GLRA3: variants seen among roughly 807,000 people sequenced by gnomAD.
GLRA3 encodes glycine receptor alpha 3.
Under a neutral mutation model 60.4 loss-of-function variants are expected in GLRA3, and 44 were observed. The ratio of observed to expected loss-of-function variants is 0.73; its 90% confidence interval spans 0.57 to 0.94. The LOEUF is 0.94. GLRA3 is among the 40% of genes least tolerant of loss of function. GLRA3 has a pLI of 0.00. For synonymous variants in GLRA3, 223 were observed against 192.9 expected (o/e 1.16, Z -1.29); for missense variants, 508 against 564.6 (o/e 0.90, Z 1.02).
chr4:174,767,104 CATT>C (rs1370240203), intron 2 of GLRA3, 74 bp from the exon 3 acceptor site: 2 of 749,200 alleles, frequency 2.7e-6, no homozygotes, highest in Non-Finnish European at 4.8e-6. Flanking sequence ...CCTTGCATTC[CATT>C]ATTATTATTC....
In GLRA3 at chr4:174,641,521, G is replaced by A. The variant is rs1732620262; in HGVS notation, c.*2265C>T. On this transcript the variant is annotated 3_prime_UTR_variant, in exon 10 of 10. Transcript: ENST00000274093. ...CAGTAAGACAGTGACAAATATAATAGGAAAGGAAAACTATGCCTAAGGAAA... is the reference window on the plus strand; with the variant it reads ...CAGTAAGACAGTGACAAATATAATAAGAAAGGAAAACTATGCCTAAGGAAA... 1 of 151,984 alleles carries A rather than the reference G, an allele frequency of 6.6e-6. No homozygotes were observed. Among genetic ancestry groups the A allele is most frequent in the Non-Finnish European group, 1.5e-5 (1 of 67,938 alleles). 9.4% of individuals were successfully genotyped at this position (151,984 alleles called of 1,614,324 possible).
At chr4:174,715,214 C>G (rs1343734556) in intron 5 of GLRA3, among the ~76,000 whole-genome samples, 3 of 152,166 alleles carry the variant, frequency 2.0e-5, no homozygotes, top group Non-Finnish European at 4.4e-5. Flanking sequence ...GATTACCATC[C>G]TTTTCACTTC....
rs534772725 is a variant in GLRA3 at position 174,705,481 on chromosome 4, G to T, written c.574+10007C>A. Reference sequence around the variant, plus strand: ...GAAGAAAAGACTGATGAATTTCTGGGGGAGGAAATAAAAGAGGGATGCACA... The same window carrying T: ...GAAGAAAAGACTGATGAATTTCTGGTGGAGGAAATAAAAGAGGGATGCACA... On this transcript the variant is annotated intron_variant, in intron 5 of 9. Coordinates refer to ENST00000274093, the MANE Select transcript of GLRA3 (RefSeq NM_006529.4). 3.5e-4 allele frequency among the ~76,000 whole-genome samples: 51 copies of T among 144,458 alleles called. 12 individuals are homozygous for T. The highest frequency in any genetic ancestry group is 5.6e-4 in the Non-Finnish European group (36 of 64,858). The allele number at this position is 144,458 out of a possible 152,430, so 94.8% of individuals were successfully genotyped here.
intron 2 of GLRA3, among the ~76,000 whole-genome samples, chr4:174,771,821 C>T (rs1385835): frequency 0.75 from 113,433 of 151,892 alleles, 42,711 homozygotes; most frequent in East Asian, 1. Context: ...CTCTATAATA[C>T]ATTTTGTCTC....
intron 2 of GLRA3, among the ~76,000 whole-genome samples, chr4:174,779,875 T>C (rs1238320755): frequency 1.3e-5 from 2 of 152,000 alleles, no homozygotes; most frequent in Non-Finnish European, 2.9e-5. Flanking sequence ...TGGAACCAAG[T>C]TGGAAAACAC....
Position 174,766,946 on chromosome 4 carries a change from C to T in GLRA3, c.267+17G>A. The T allele has an allele frequency of 1.4e-6, 2 of 1,438,776 alleles. No homozygotes were observed. Among genetic ancestry groups the T allele is most frequent in the Non-Finnish European group, 1.9e-6 (2 of 1,029,196 alleles). 89.1% of individuals were successfully genotyped at this position (1,438,776 alleles called of 1,614,324 possible). Reference sequence around the variant, plus strand: ...GATTACTCTAGTGTGAAACTTGTTGCAAAGTAAAATGCCTACCATGGTCGT... The same window carrying T: ...GATTACTCTAGTGTGAAACTTGTTGTAAAGTAAAATGCCTACCATGGTCGT... On this transcript the variant is annotated intron_variant, in intron 3 of 9. Coordinates refer to ENST00000274093, the MANE Select transcript of GLRA3 (RefSeq NM_006529.4).
intron 3 of GLRA3, among the ~76,000 whole-genome samples, chr4:174,759,441 A>G (rs1253173718): frequency 6.6e-6 from 1 of 152,112 alleles, no homozygotes. Flanking sequence ...GATATTAATA[A>G]TATTTAAATA....
At chr4:174,788,312 A>G (rs915982338) in intron 2 of GLRA3, among the ~76,000 whole-genome samples, 4 of 152,070 alleles carry the variant, frequency 2.6e-5, no homozygotes, top group African/African-American at 7.2e-5. Context: ...TGGGTAAAAC[A>G]TTTGGTAGGT....
chr4:174,767,667 C>T (rs969331994), intron 2 of GLRA3, among the ~76,000 whole-genome samples: 1 of 152,050 alleles, frequency 6.6e-6, no homozygotes, highest in African/African-American at 2.4e-5. Flanking sequence ...AATAAATCTT[C>T]CACTCTTGCC....
intron 3 of GLRA3, among the ~76,000 whole-genome samples, chr4:174,751,635 C>T (rs1432931407): frequency 6.6e-6 from 1 of 152,090 alleles, no homozygotes; most frequent in Admixed American, 6.6e-5. Flanking sequence ...GTGCTCTTCC[C>T]ATTATATGAC....
intron 1 of GLRA3, among the ~76,000 whole-genome samples, chr4:174,823,295 C>T (rs182363002): frequency 4.6e-5 from 7 of 152,060 alleles, no homozygotes; most frequent in South Asian, 2.1e-4. Context: ...GAATTTGAGG[C>T]GGGTGGACCG....
Position 174,766,840 on chromosome 4 carries a change from C to T in GLRA3, c.267+123G>A. 2 of 560,476 alleles carry T rather than the reference C, an allele frequency of 3.6e-6. 1 individual carries two copies. The highest frequency in any genetic ancestry group is 5.5e-5 in the South Asian group (2 of 36,358). 34.7% of individuals were successfully genotyped at this position (560,476 alleles called of 1,614,324 possible). On this transcript the variant is annotated intron_variant, in intron 3 of 9. Coordinates refer to ENST00000274093, the MANE Select transcript of GLRA3 (RefSeq NM_006529.4). ...TGCAGGTGACTGTAATTTAATTATA[C>T]TATTAATTTTACATTTTAAAATCTT...
chr4:174,706,645 C>A (rs755273498), intron 5 of GLRA3, among the ~76,000 whole-genome samples: 7 of 152,164 alleles, frequency 4.6e-5, no homozygotes, highest in African/African-American at 1.7e-4. Context: ...AGGAACCCTG[C>A]TTGAGCAGGA....
chr4:174,808,630 G>A (rs997488983), intron 1 of GLRA3, among the ~76,000 whole-genome samples: 1 of 152,054 alleles, frequency 6.6e-6, no homozygotes, highest in Non-Finnish European at 1.5e-5. Flanking sequence ...CCAGAAGAAG[G>A]CGTTGCTATT....
At chr4:174,791,543 T>C (rs893422390) in intron 1 of GLRA3, among the ~76,000 whole-genome samples, 19 of 152,198 alleles carry the variant, frequency 1.2e-4, no homozygotes, top group African/African-American at 4.3e-4. Context: ...TCTTTGGTTC[T>C]TTTTTTATAA....
rs147724144 is a variant in GLRA3 at position 174,649,911 on chromosome 4, G to C, written c.1117-5847C>G. Among the ~76,000 whole-genome samples, 247 of 152,174 alleles carry C rather than the reference G, an allele frequency of 1.6e-3. 3 individuals carry two copies. The highest frequency in any genetic ancestry group is 0.014 in the Middle Eastern group (4 of 292). ...ATAATCTTACTGTCCATCCCTAAAGGAGCCTAAATTCTCCAGTATGTTGTC... is the reference window on the plus strand; with the variant it reads ...ATAATCTTACTGTCCATCCCTAAAGCAGCCTAAATTCTCCAGTATGTTGTC... On this transcript the variant is annotated intron_variant, in intron 9 of 9. Coordinates refer to ENST00000274093, the MANE Select transcript of GLRA3 (RefSeq NM_006529.4).
chr4:174,804,358 G>T (rs1739947129), intron 1 of GLRA3, among the ~76,000 whole-genome samples: 1 of 152,138 alleles, frequency 6.6e-6, no homozygotes, highest in South Asian at 2.1e-4. Flanking sequence ...AGCACTACAA[G>T]TACCTGATCA....
intron 2 of GLRA3, among the ~76,000 whole-genome samples, chr4:174,774,190 A>T (rs1325124571): frequency 6.6e-6 from 1 of 152,220 alleles, no homozygotes; most frequent in Non-Finnish European, 1.5e-5. Context: ...TTGATTAAAT[A>T]AGTAATTATA....
intron 3 of GLRA3, among the ~76,000 whole-genome samples, chr4:174,732,073 T>A (rs745390081): frequency 5.3e-5 from 8 of 151,946 alleles, no homozygotes; most frequent in Non-Finnish European, 7.4e-5. Context: ...ATGGAAAAAA[T>A]TGGCCAGGTG....
Sources: gnomAD v4.1 joint callset for allele counts (sites outside exome capture counted in the v4.1 genomes callset) on GRCh38, gnomAD v4.1.1 for gene constraint, MANE v1.5 for transcripts, NCBI Gene and HGNC (gene_info 2026-07-23, HGNC 2026-07-21) for gene names.